PTGER3: variants seen among roughly 807,000 people sequenced by gnomAD.
PTGER3 encodes the protein prostaglandin E2 receptor EP3 subtype.
Under a neutral mutation model 34.7 loss-of-function variants are expected in PTGER3, and 22 were observed. The ratio of observed to expected loss-of-function variants is 0.63; its 90% CI spans 0.45 to 0.91. The LOEUF (loss-of-function observed/expected upper bound fraction) is 0.91. Ranked by LOEUF, PTGER3 falls within the 40% of genes least tolerant of loss-of-function variation. The probability of loss-of-function intolerance (pLI) is 0.00; values close to 1 mark genes in which losing one functional copy is unlikely to be tolerated. For missense variants in PTGER3, 468 were observed against 519.4 expected (o/e 0.90, Z 0.96); for synonymous variants, 241 against 230.1 (o/e 1.05, Z -0.43).
intron 4 of PTGER3, among the ~76,000 whole-genome samples, chr1:70,910,381 T>C (rs920114075): frequency 6.6e-6 from 1 of 152,184 alleles, no homozygotes. Flanking sequence ...CCATGGCTGA[T>C]GGTGTTTGTG....
chr1:70,949,069 C>T (rs928883016), downstream of PTGER3, among the ~76,000 whole-genome samples: 2 of 152,058 alleles, frequency 1.3e-5, no homozygotes, highest in African/African-American at 4.8e-5. Flanking sequence ...TCTCTTCAGG[C>T]GTGGGGTAAA....
At chr1:70,901,069 A>T (rs753255030) in intron 4 of PTGER3, among the ~76,000 whole-genome samples, 1 of 152,172 alleles carries the variant, frequency 6.6e-6, no homozygotes, top group Non-Finnish European at 1.5e-5. Flanking sequence ...AGCCCATAGG[A>T]AAAACAGGAA....
chr1:70,918,626 T>C (rs1229198022), intron 4 of PTGER3, among the ~76,000 whole-genome samples: 1 of 152,094 alleles, frequency 6.6e-6, no homozygotes, highest in Non-Finnish European at 1.5e-5. Context: ...TCCTTCTAAC[T>C]TGCTGTATGA....
At chr1:71,019,284 C>T (rs1293685805) in intron 1 of PTGER3, among the ~76,000 whole-genome samples, 2 of 152,152 alleles carry the variant, frequency 1.3e-5, no homozygotes, top group Non-Finnish European at 2.9e-5. Context: ...TTTTAGCAAA[C>T]ACACATATAC....
intron 1 of PTGER3, among the ~76,000 whole-genome samples, chr1:71,014,369 G>A (rs1304747354): frequency 6.6e-6 from 1 of 152,260 alleles, no homozygotes; most frequent in East Asian, 1.9e-4. Flanking sequence ...CCTCTGCAAT[G>A]CCTTTTGCTC....
At chr1:70,984,111 G>A (rs1232806519) in intron 2 of PTGER3, among the ~76,000 whole-genome samples, 1 of 152,164 alleles carries the variant, frequency 6.6e-6, no homozygotes, top group Non-Finnish European at 1.5e-5. Context: ...TTAAGGCTGG[G>A]TGTGGTGGCT....
rs1227058086 is a variant in PTGER3, at chr1:70,971,717, C to T, written c.*13G>A. 2 of 1,565,448 alleles carry T rather than the reference C, an allele frequency of 1.3e-6. No individual in the cohort carries two copies. The highest frequency in any genetic ancestry group is 1.4e-5 in the African/African-American group (1 of 72,892). On this transcript the variant is annotated 3_prime_UTR_variant, in exon 4 of 4. Coordinates refer to ENST00000306666, the MANE Select transcript of PTGER3 (RefSeq NM_198719.2). Reference sequence around the variant, plus strand: ...GCAGGAATTGCAATAAAATGTCCAACTCCGTTCTTTCATTATCTGTTAGAA... The same window carrying T: ...GCAGGAATTGCAATAAAATGTCCAATTCCGTTCTTTCATTATCTGTTAGAA...
chr1:71,010,072 C>T, intron 2 of PTGER3: 1 of 985,138 alleles, frequency 1.0e-6, no homozygotes, highest in Non-Finnish European at 1.2e-6. Flanking sequence ...CCATTCATCC[C>T]CTCCTAAAAT....
exon 5 of PTGER3, chr1:70,852,812 G>A: frequency 6.2e-7 from 1 of 1,612,208 alleles, no homozygotes; most frequent in Non-Finnish European, 8.5e-7. Flanking sequence ...AGCTTCCAGT[G>A]ATGTGATCCT....
intron 4 of PTGER3, among the ~76,000 whole-genome samples, chr1:70,866,778 T>C (rs1027768786): frequency 2.0e-5 from 3 of 152,212 alleles, no homozygotes; most frequent in Non-Finnish European, 2.9e-5. Context: ...GCCTGAATCA[T>C]AGGCCATTTG....
intron 2 of PTGER3, among the ~76,000 whole-genome samples, chr1:70,965,375 T>C (rs1652408563): frequency 6.6e-6 from 1 of 152,148 alleles, no homozygotes; most frequent in Non-Finnish European, 1.5e-5. Context: ...CACCTGTTAC[T>C]GAAGCAATGC....
intron 4 of PTGER3, chr1:70,865,557 C>T (rs1646022969): frequency 1.8e-6 from 2 of 1,137,236 alleles, no homozygotes; most frequent in South Asian, 2.9e-5. Flanking sequence ...CTTATAAAAT[C>T]AGGCCACAAA....
intron 2 of PTGER3, among the ~76,000 whole-genome samples, chr1:70,980,755 C>A (rs1447631205): frequency 6.6e-6 from 1 of 152,146 alleles, no homozygotes; most frequent in Non-Finnish European, 1.5e-5. Flanking sequence ...AACAAACAGG[C>A]CATTTATTAT....
chr1:71,043,730 A>G (rs1221013195), intron 1 of PTGER3, among the ~76,000 whole-genome samples: 1 of 152,200 alleles, frequency 6.6e-6, no homozygotes, highest in Non-Finnish European at 1.5e-5. Flanking sequence ...TTCTCTATTA[A>G]GAAAGCAGCT....
At chr1:70,883,092 C>A (rs1440401245) in intron 4 of PTGER3, among the ~76,000 whole-genome samples, 1 of 152,010 alleles carries the variant, frequency 6.6e-6, no homozygotes, top group African/African-American at 2.4e-5. Flanking sequence ...ATGATGATAC[C>A]CATTTTGTAG....
chr1:70,908,182 C>T (rs141953060), intron 4 of PTGER3, among the ~76,000 whole-genome samples: 21 of 152,206 alleles, frequency 1.4e-4, no homozygotes, highest in African/African-American at 4.6e-4. Context: ...AAGGTGTCCC[C>T]GAGGAGACAA....
At chr1:70,883,031 A>T (rs1646425700) in intron 4 of PTGER3, among the ~76,000 whole-genome samples, 2 of 152,180 alleles carry the variant, frequency 1.3e-5, no homozygotes, top group African/African-American at 4.8e-5. Context: ...TACATGTTCC[A>T]ACAACTTTAT....
At chr1:70,969,887 A>T (rs965729976), downstream of PTGER3, among the ~76,000 whole-genome samples, 2 of 152,166 alleles carry the variant, frequency 1.3e-5, no homozygotes, top group African/African-American at 4.8e-5. Flanking sequence ...ATCGTGTAAC[A>T]CTCATTTTAT....
chr1:70,949,650 C>A (rs1650558702), downstream of PTGER3, among the ~76,000 whole-genome samples: 1 of 152,048 alleles, frequency 6.6e-6, no homozygotes, highest in South Asian at 2.1e-4. Flanking sequence ...ACTTAACTTG[C>A]CAAATGATTT....
Sources: allele counts gnomAD v4.1 joint callset (sites outside exome capture counted in the v4.1 genomes callset), GRCh38; gene constraint gnomAD v4.1.1; transcripts MANE v1.5; gene names NCBI Gene and HGNC (gene_info 2026-07-23, HGNC 2026-07-21).